AMOTL1: variants seen among roughly 807,000 people sequenced by gnomAD.
AMOTL1 encodes angiomotin-like protein 1.
AMOTL1 carries 45 observed loss-of-function variants against 102.9 expected under a neutral mutation model. The observed-to-expected ratio is 0.44, with a 90% CI of 0.34 to 0.56. AMOTL1 has a LOEUF of 0.56. Among genes scored for constraint, AMOTL1 ranks in the 20% least tolerant of loss-of-function variants. The probability of loss-of-function intolerance (pLI) is 0.01; values close to 1 mark genes in which losing one functional copy is unlikely to be tolerated. For synonymous variants in AMOTL1, 481 were observed against 484.7 expected (o/e 0.99, Z 0.10); for missense variants, 1,114 against 1,225.6 (o/e 0.91, Z 1.36).
intron 1 of AMOTL1, among the ~76,000 whole-genome samples, chr11:94,787,577 A>G (rs1951211729): frequency 6.6e-6 from 1 of 151,400 alleles, no homozygotes; most frequent in South Asian, 2.1e-4. Flanking sequence ...AGTCCCAGCT[A>G]CACGGGAGGC....
At position 94,750,201 on chromosome 11, in the gene AMOTL1, T is replaced by G. The variant is rs139123489; in HGVS notation, c.136+9213T>G. On this transcript the variant is annotated intron_variant, in intron 3 of 4. Coordinates refer to the AMOTL1 transcript ENST00000299004. ...CTGCAGTTTTATGGTCCAGGAATCCTTAGGTGGTGCTTATTTGCATGCACA... is the reference window on the plus strand; with the variant it reads ...CTGCAGTTTTATGGTCCAGGAATCCGTAGGTGGTGCTTATTTGCATGCACA... Among the ~76,000 whole-genome samples, 223 of 152,308 alleles carry G rather than the reference T, an allele frequency of 1.5e-3. 2 individuals are homozygous for G. Among genetic ancestry groups the G allele is most frequent in the African/African-American group, 5.1e-3 (210 of 41,558 alleles).
At chr11:94,707,442 A>G (rs1431629866) in intron 1 of AMOTL1, among the ~76,000 whole-genome samples, 1 of 151,612 alleles carries the variant, frequency 6.6e-6, no homozygotes, top group East Asian at 2.0e-4. Context: ...CTACAGGATG[A>G]TAAACGGCTT....
intron 7 of AMOTL1, among the ~76,000 whole-genome samples, chr11:94,853,727 A>G (rs1565382218): frequency 6.6e-6 from 1 of 152,182 alleles, no homozygotes; most frequent in African/African-American, 2.4e-5. Context: ...AATTTCATAC[A>G]TCCTAGCCAT....
In AMOTL1 at chr11:94,737,846, A is replaced by AC. The variant is rs780558429; in HGVS notation, c.86-3090dup. ...GCTACTCTGGCAGAGTGAGGTAGAA[A>AC]CCTATTTAGGCTGCTTGTAAGAGCA... On this transcript the variant is annotated intron_variant, in intron 2 of 4. Coordinates refer to the AMOTL1 transcript ENST00000299004. Among the ~76,000 whole-genome samples, 5 of 152,308 alleles carry AC rather than the reference A, an allele frequency of 3.3e-5. No homozygotes were observed. In the East Asian group the frequency reaches 9.6e-4, roughly 29 times the overall value.
Position 94,799,381 on chromosome 11 carries a change from A to G in AMOTL1, c.200-9A>G. Reference sequence around the variant, plus strand: ...GCCTGATATCTTTTTTCCTATGTTTATCTTTTAGTTGAAGATCCTCTTTGT... The same window carrying G: ...GCCTGATATCTTTTTTCCTATGTTTGTCTTTTAGTTGAAGATCCTCTTTGT... On this transcript the variant is annotated splice_polypyrimidine_tract_variant and intron_variant, in intron 2 of 12. Coordinates refer to ENST00000433060, the MANE Select transcript of AMOTL1 (RefSeq NM_130847.3). This position sits in a 1 kb window ranked among gnomAD's most constrained non-coding sequence, Gnocchi z 4.5. 1.9e-6 allele frequency: 3 copies of G among 1,545,312 alleles called. No homozygotes were observed. In the South Asian group the frequency reaches 3.6e-5, roughly 19 times the overall value.
intron 1 of AMOTL1, among the ~76,000 whole-genome samples, chr11:94,782,533 TAAC>T (rs1951128513): frequency 6.6e-6 from 1 of 152,142 alleles, no homozygotes; most frequent in East Asian, 1.9e-4. Context: ...ATGTAAAAAA[TAAC>T]AACTCCCTTC....
chr11:94,728,541 A>G (rs915490558), intron 1 of AMOTL1, among the ~76,000 whole-genome samples: 5 of 152,222 alleles, frequency 3.3e-5, no homozygotes, highest in African/African-American at 4.8e-5. Flanking sequence ...CTAACTTATT[A>G]GTTCAAGTTT....
intron 3 of AMOTL1, among the ~76,000 whole-genome samples, chr11:94,753,338 TCCTTG>T (rs1950681172): frequency 6.9e-6 from 1 of 145,088 alleles, no homozygotes; most frequent in African/African-American, 2.5e-5. Context: ...TGTCTTCCCC[TCCTTG>T]CCTTGTCACT....
chr11:94,740,930 T>C, intron 2 of AMOTL1: 1 of 1,288,850 alleles, frequency 7.8e-7, no homozygotes, highest in Non-Finnish European at 1.0e-6. Context: ...GCTTTTCTTC[T>C]CCCCCAGACA....
At chr11:94,792,093 G>A (rs917999796) in intron 1 of AMOTL1, among the ~76,000 whole-genome samples, 4 of 152,170 alleles carry the variant, frequency 2.6e-5, no homozygotes, top group African/African-American at 9.7e-5. Flanking sequence ...ATGATAGACT[G>A]GATTAAGAAA....
chr11:94,799,987 T>TG lies in AMOTL1; in HGVS notation c.798dup (p.Gln267AlafsTer36), dbSNP rs1307371714. 1 of 1,613,908 alleles carries TG rather than the reference T, an allele frequency of 6.2e-7. No individual in the cohort carries two copies. The highest frequency in any genetic ancestry group is 8.5e-7 in the Non-Finnish European group (1 of 1,179,898). On this transcript the variant is annotated frameshift_variant, in exon 3 of 13. Coordinates refer to ENST00000433060, the MANE Select transcript of AMOTL1 (RefSeq NM_130847.3). LOFTEE classifies it high-confidence loss of function. This position sits in a 1 kb window ranked among gnomAD's most constrained non-coding sequence, Gnocchi z 4.5. ...GTCCGCTCGCTCAGCGAGAGAATCA[T>TG]GCAGCTGTCCCTGGAGAGGAATGGG... is the stretch of plus-strand genomic sequence containing the variant.
chr11:94,863,625 A>C (rs904822868), intron 9 of AMOTL1, among the ~76,000 whole-genome samples: 12 of 152,156 alleles, frequency 7.9e-5, no homozygotes, highest in African/African-American at 2.9e-4. Flanking sequence ...ATGATTGTAC[A>C]TTGGAATATG....
intron 3 of AMOTL1, among the ~76,000 whole-genome samples, chr11:94,816,269 G>T (rs1033639473): frequency 2.0e-5 from 3 of 152,040 alleles, no homozygotes; most frequent in Non-Finnish European, 4.4e-5. Context: ...GTTTGTTGTG[G>T]CCTTACACTA....
chr11:94,771,260 G>GGT (rs373483901), intron 1 of AMOTL1, among the ~76,000 whole-genome samples: 1,326 of 9,484 alleles, frequency 0.14, 43 homozygotes, highest in African/African-American at 0.19. Context: ...TGGCGGGGTT[G>GGT]GGGGGGGGGT....
chr11:94,715,785 G>C (rs1296752968), intron 1 of AMOTL1, among the ~76,000 whole-genome samples: 1 of 151,910 alleles, frequency 6.6e-6, no homozygotes, highest in Non-Finnish European at 1.5e-5. Context: ...TTAAGATTTT[G>C]TTTTATTTCG....
At chr11:94,775,024 A>C (rs1212989865) in intron 1 of AMOTL1, among the ~76,000 whole-genome samples, 5 of 152,234 alleles carry the variant, frequency 3.3e-5, no homozygotes, top group Admixed American at 3.3e-4. Context: ...TTGCCTTGGT[A>C]AATCACTTAG....
At chr11:94,779,767 C>A (rs1468659696) in intron 1 of AMOTL1, among the ~76,000 whole-genome samples, 2 of 151,860 alleles carry the variant, frequency 1.3e-5, no homozygotes, top group Non-Finnish European at 2.9e-5. Context: ...CATTTTGAGA[C>A]CCTTGATTTG....
intron 3 of AMOTL1, among the ~76,000 whole-genome samples, chr11:94,751,091 T>G (rs1351950122): frequency 6.6e-6 from 1 of 151,884 alleles, no homozygotes; most frequent in Non-Finnish European, 1.5e-5. Flanking sequence ...GTTGGTCTCC[T>G]CCTAGGGAGA....
At chr11:94,730,372 C>G (rs1950329426) in intron 2 of AMOTL1, among the ~76,000 whole-genome samples, 1 of 152,134 alleles carries the variant, frequency 6.6e-6, no homozygotes. Flanking sequence ...TGGCCAGTTC[C>G]TACTCATCTT....
Sources: allele counts gnomAD v4.1 joint callset (sites outside exome capture counted in the v4.1 genomes callset), GRCh38; gene constraint gnomAD v4.1.1; non-coding constraint Gnocchi (gnomAD v3.1); transcripts MANE v1.5; gene names NCBI Gene and HGNC (gene_info 2026-07-23, HGNC 2026-07-21).